WDR27: variants seen among roughly 807,000 people sequenced by gnomAD.
The protein encoded by WDR27 is WD repeat-containing protein 27.
A neutral mutation model predicts 114.4 loss-of-function variants in WDR27; 100 were observed. The observed-to-expected ratio is 0.87, with a 90% CI of 0.74 to 1.03. The LOEUF is 1.03. WDR27 is among the 50% of genes least tolerant of loss of function. The pLI is 0.00. For missense variants in WDR27, 1,129 were observed against 1,092.9 expected, an observed-to-expected ratio of 1.03 and a Z score of -0.47; for synonymous variants, 449 against 423.1, an observed-to-expected ratio of 1.06 and a Z score of -0.75.
At chr6:169,701,086 TAG>T (rs897763910) in intron 1 of WDR27, among the ~76,000 whole-genome samples, 3 of 152,224 alleles carry the variant, frequency 2.0e-5, no homozygotes, top group African/African-American at 4.8e-5. Context: ...CTGGAAGCTG[TAG>T]AGTTAATACT....
In WDR27 at chr6:169,659,577, G is replaced by A. The variant is rs759655657; in HGVS notation, c.1130-59C>T. 1.4e-4 allele frequency: 205 copies of A among 1,516,128 alleles called. No homozygotes were observed. Among genetic ancestry groups the A allele is most frequent in the Non-Finnish European group, 1.8e-4 (195 of 1,113,382 alleles). 93.9% of individuals were successfully genotyped at this position (1,516,128 alleles called of 1,614,324 possible). On this transcript the variant is annotated intron_variant, in intron 10 of 25. Coordinates refer to ENST00000448612, the MANE Select transcript of WDR27 (RefSeq NM_182552.5). The surrounding 1 kb of genome is among the most constrained non-coding windows in gnomAD (Gnocchi z 4.3). ...GGGGAGGGAGGTAGCACATACACAC[G>A]GAGTCACTGCCCAGAGCCCACCACA...
intron 2 of WDR27, among the ~76,000 whole-genome samples, chr6:169,685,671 C>CA (rs1178362653): frequency 2.6e-5 from 4 of 151,566 alleles, no homozygotes; most frequent in Non-Finnish European, 4.4e-5. Flanking sequence ...TACCAGCAGA[C>CA]AAAAAAAGAA....
intron 23 of WDR27, among the ~76,000 whole-genome samples, chr6:169,588,679 C>T (rs893161029): frequency 2.0e-5 from 3 of 152,086 alleles, no homozygotes; most frequent in East Asian, 1.9e-4. Flanking sequence ...TAAGGGGTGG[C>T]GTGGGGCCTG....
intron 23 of WDR27, among the ~76,000 whole-genome samples, chr6:169,593,369 C>T (rs919869019): frequency 1.3e-5 from 2 of 152,188 alleles, no homozygotes; most frequent in African/African-American, 4.8e-5. Flanking sequence ...ATTTCTGTGA[C>T]TCAACCATTT....
chr6:169,540,483 G>A (rs1427807108), intron 25 of WDR27, among the ~76,000 whole-genome samples: 1 of 151,178 alleles, frequency 6.6e-6, no homozygotes, highest in African/African-American at 2.4e-5. Flanking sequence ...AGGCTGGAGT[G>A]CAGTGGCGAG....
chr6:169,495,867 C>T (rs1305342991), intron 25 of WDR27, among the ~76,000 whole-genome samples: 2 of 151,972 alleles, frequency 1.3e-5, no homozygotes, highest in Admixed American at 6.6e-5. Flanking sequence ...TCCAATTCTG[C>T]TCCAACTTTT....
intron 15 of WDR27, 118 bp from the exon 16 acceptor site, chr6:169,647,988 T>C: frequency 3.1e-6 from 2 of 643,808 alleles, no homozygotes; most frequent in Non-Finnish European, 5.3e-6. Flanking sequence ...CGTATTCCAG[T>C]AAACTTGAAT....
intron 16 of WDR27, chr6:169,647,550 G>T: frequency 1.6e-6 from 1 of 618,946 alleles, no homozygotes; most frequent in Non-Finnish European, 2.9e-6. Context: ...GCCAGTGTCT[G>T]TGCCCACGCA....
rs745488073 is a variant in WDR27 at position 169,634,404 on chromosome 6, A to G, written c.2101+24T>C. On this transcript the variant is annotated intron_variant, in intron 20 of 25. Transcript: ENST00000448612. ...AACAACACTCAGGGCGTAAAACCCT[A>G]CCAGGATCCGGGAGAAAGGATACGG... The G allele has an allele frequency of 1.6e-5, 25 of 1,569,872 alleles. No individual in the cohort carries two copies. In the South Asian group the frequency reaches 2.6e-4, roughly 16 times the overall value.
At chr6:169,671,684 T>C (rs1172574575) in intron 3 of WDR27, 1 of 152,502 alleles carries the variant, frequency 6.6e-6, no homozygotes, top group Non-Finnish European at 1.5e-5. Flanking sequence ...TCAGCGCACA[T>C]GCCCCTCCGA....
At chr6:169,627,689 A>G (rs923109945) in intron 21 of WDR27, among the ~76,000 whole-genome samples, 1 of 152,174 alleles carries the variant, frequency 6.6e-6, no homozygotes, top group Non-Finnish European at 1.5e-5. Flanking sequence ...TGTGATGTGA[A>G]GTGTCAGGAG....
chr6:169,519,978 T>C (rs980267015), intron 25 of WDR27, among the ~76,000 whole-genome samples: 5 of 151,906 alleles, frequency 3.3e-5, no homozygotes, highest in Non-Finnish European at 7.4e-5. Flanking sequence ...TTCCCCACCA[T>C]CTTGAACTAC....
At chr6:169,492,439 C>T (rs904689611) in intron 25 of WDR27, among the ~76,000 whole-genome samples, 4 of 151,946 alleles carry the variant, frequency 2.6e-5, no homozygotes, top group African/African-American at 4.8e-5. Flanking sequence ...TTTGAAGAAA[C>T]AATATTTGAA....
intron 25 of WDR27, among the ~76,000 whole-genome samples, chr6:169,530,235 A>T (rs943426589): frequency 6.6e-6 from 1 of 152,224 alleles, no homozygotes; most frequent in Non-Finnish European, 1.5e-5. Flanking sequence ...AGCTATGAAC[A>T]CAAACAGTTG....
chr6:169,483,282 A>G (rs986965829), intron 25 of WDR27, among the ~76,000 whole-genome samples: 1 of 152,218 alleles, frequency 6.6e-6, no homozygotes, highest in South Asian at 2.1e-4. Flanking sequence ...ACTGCTAGCT[A>G]GACTAATAAG....
intron 16 of WDR27, among the ~76,000 whole-genome samples, chr6:169,644,092 A>G (rs1819865229): frequency 6.6e-6 from 1 of 151,264 alleles, no homozygotes; most frequent in East Asian, 2.0e-4. Flanking sequence ...CAGGAGTCAC[A>G]CTGTCGAAAA....
intron 24 of WDR27, among the ~76,000 whole-genome samples, chr6:169,577,562 CG>C (rs1802610293): frequency 6.6e-6 from 1 of 152,144 alleles, no homozygotes; most frequent in Non-Finnish European, 1.5e-5. Context: ...GAGACGAACT[CG>C]GCCCCGAAGC....
intron 24 of WDR27, among the ~76,000 whole-genome samples, chr6:169,578,226 C>G (rs1478509001): frequency 6.6e-6 from 1 of 152,162 alleles, no homozygotes; most frequent in Non-Finnish European, 1.5e-5. Flanking sequence ...GGCGCCCACA[C>G]GGTGCGTTAG....
chr6:169,624,791 G>C (rs1314732227), intron 21 of WDR27, among the ~76,000 whole-genome samples: 4 of 152,120 alleles, frequency 2.6e-5, no homozygotes, highest in Admixed American at 6.5e-5. Flanking sequence ...TGAGACACGT[G>C]AGCCGCAGCC....
Sources: allele counts gnomAD v4.1 joint callset (sites outside exome capture counted in the v4.1 genomes callset), GRCh38; gene constraint gnomAD v4.1.1; non-coding constraint Gnocchi (gnomAD v3.1); transcripts MANE v1.5; gene names NCBI Gene and HGNC (gene_info 2026-07-23, HGNC 2026-07-21).